EPHA7: variants seen among roughly 807,000 people sequenced by gnomAD.
EPHA7 encodes EPH receptor A7.
Under a neutral mutation model 112.6 loss-of-function variants are expected in EPHA7, and 25 were observed. That is an observed-to-expected ratio of 0.22 (90% confidence interval 0.16 to 0.31). The LOEUF (loss-of-function observed/expected upper bound fraction) is 0.31, where lower values mean the gene tolerates loss of function less well. Ranked by LOEUF, EPHA7 falls within the 10% of genes least tolerant of loss-of-function variation. The pLI is 1.00. For missense variants in EPHA7, 962 were observed against 1,212.6 expected (o/e 0.79, Z 3.07); for synonymous variants, 437 against 406.5 (o/e 1.07, Z -0.90).
chr6:93,332,972 T>C (rs1242241476), intron 5 of EPHA7, among the ~76,000 whole-genome samples: 1 of 151,756 alleles, frequency 6.6e-6, no homozygotes, highest in East Asian at 1.9e-4. Flanking sequence ...GTACAGATTA[T>C]TTCATTACCC....
chr6:93,325,692 G>A (rs1300124900), intron 5 of EPHA7, among the ~76,000 whole-genome samples: 1 of 151,084 alleles, frequency 6.6e-6, no homozygotes, highest in African/African-American at 2.4e-5. Flanking sequence ...ATTTAACCAA[G>A]GTTAACTGCA....
At chr6:93,263,113 A>G (rs1349303368) in intron 9 of EPHA7, among the ~76,000 whole-genome samples, 3 of 151,332 alleles carry the variant, frequency 2.0e-5, no homozygotes, top group African/African-American at 7.3e-5. Flanking sequence ...AAAATAGGTA[A>G]AGGTAAGAAC....
chr6:93,254,912 A>G (rs1183732058), intron 13 of EPHA7, 116 bp from the exon 14 acceptor site: 8 of 719,784 alleles, frequency 1.1e-5, no homozygotes, highest in Non-Finnish European at 1.7e-5. Context: ...CATCAGGTCT[A>G]CCCATCTTGA....
intron 3 of EPHA7, among the ~76,000 whole-genome samples, chr6:93,387,284 G>A (rs934861801): frequency 6.6e-6 from 1 of 152,054 alleles, no homozygotes; most frequent in East Asian, 1.9e-4. Context: ...CTTTGCTACA[G>A]CATAGCAAAA....
chr6:93,407,229 T>C (rs531955757), intron 3 of EPHA7, among the ~76,000 whole-genome samples: 2 of 152,192 alleles, frequency 1.3e-5, no homozygotes, highest in South Asian at 2.1e-4. Flanking sequence ...CTTCAAAATG[T>C]GCCCAGATAA....
intron 3 of EPHA7, among the ~76,000 whole-genome samples, chr6:93,400,994 G>C (rs1290273376): frequency 2.0e-5 from 3 of 152,058 alleles, no homozygotes; most frequent in African/African-American, 7.2e-5. Context: ...CTCTTCTCCA[G>C]ATCTAGGTTT....
At chr6:93,352,525 A>T (rs1775744289) in intron 5 of EPHA7, among the ~76,000 whole-genome samples, 1 of 152,062 alleles carries the variant, frequency 6.6e-6, no homozygotes, top group African/African-American at 2.4e-5. Flanking sequence ...CTCTGAATGA[A>T]TCATTCTTCA....
At chr6:93,263,985 C>T in intron 8 of EPHA7, 70 bp from the exon 9 acceptor site, 1 of 1,160,258 alleles carries the variant, frequency 8.6e-7, no homozygotes, top group Non-Finnish European at 1.2e-6. Context: ...GTACAATGTA[C>T]CTTAGTTACT....
chr6:93,262,945 G>A (rs1770757270), intron 9 of EPHA7, among the ~76,000 whole-genome samples: 1 of 151,170 alleles, frequency 6.6e-6, no homozygotes, highest in African/African-American at 2.4e-5. Context: ...CACAGATATT[G>A]ACATAAGAAT....
intron 5 of EPHA7, among the ~76,000 whole-genome samples, chr6:93,339,816 G>C (rs1231782213): frequency 6.6e-6 from 1 of 151,652 alleles, no homozygotes; most frequent in Non-Finnish European, 1.5e-5. Flanking sequence ...ATATACAAAA[G>C]TAAAATAACT....
At chr6:93,391,964 C>T (rs1014474274) in intron 3 of EPHA7, among the ~76,000 whole-genome samples, 1 of 151,712 alleles carries the variant, frequency 6.6e-6, no homozygotes, top group Non-Finnish European at 1.5e-5. Context: ...GCATATCAGA[C>T]AGCGTTAGAC....
chr6:93,279,031 A>C (rs1014718246), intron 5 of EPHA7, among the ~76,000 whole-genome samples: 8 of 152,114 alleles, frequency 5.3e-5, no homozygotes, highest in African/African-American at 1.9e-4. Flanking sequence ...AGCTGCAGAT[A>C]CTAGAAGAGA....
Position 93,259,453 on chromosome 6 carries a change from T to C in EPHA7, c.1825A>G (p.Ile609Val). Reference sequence around the variant, plus strand: ...GGGTCCTCATAGGTTTCAGGGTCAATGTAGGTTTTGGTGCCTGGAAATTTA... The same window carrying C: ...GGGTCCTCATAGGTTTCAGGGTCAACGTAGGTTTTGGTGCCTGGAAATTTA... ...HFKFPGTKTY[I>V]DPETYEDPNR... The change falls in exon 10 of 17, where the codon ATT becomes GTT. Residue 609 changes from isoleucine (I) to valine (V), a missense_variant. Physicochemically the swap from Ile to Val is conservative, Grantham distance 29. Transcript: ENST00000369303. The C allele has an allele frequency of 6.2e-7, 1 of 1,611,774 alleles. No homozygotes were observed. The highest frequency in any genetic ancestry group is 1.3e-5 in the African/African-American group (1 of 74,900).
At chr6:93,335,663 T>A (rs1004769573) in intron 5 of EPHA7, among the ~76,000 whole-genome samples, 3 of 152,090 alleles carry the variant, frequency 2.0e-5, no homozygotes, top group Non-Finnish European at 4.4e-5. Context: ...CATTTTTTTT[T>A]TAAATTTTTA....
At chr6:93,397,486 A>C (rs959379743) in intron 3 of EPHA7, among the ~76,000 whole-genome samples, 8 of 151,924 alleles carry the variant, frequency 5.3e-5, no homozygotes, top group Non-Finnish European at 1.2e-4. Flanking sequence ...TAATTATATG[A>C]ATTCTGAAGA....
intron 7 of EPHA7, among the ~76,000 whole-genome samples, chr6:93,267,051 T>C (rs1256137011): frequency 1.3e-5 from 2 of 151,798 alleles, no homozygotes; most frequent in Non-Finnish European, 2.9e-5. Flanking sequence ...TTTCAGAAGG[T>C]ATATGACATG....
At chr6:93,270,682 A>G (rs1771173042) in intron 6 of EPHA7, among the ~76,000 whole-genome samples, 1 of 151,670 alleles carries the variant, frequency 6.6e-6, no homozygotes, top group African/African-American at 2.4e-5. Context: ...TGAGATTTGC[A>G]AAAGTGTAAA....
chr6:93,290,496 A>G lies in EPHA7; in HGVS notation c.1325-18074T>C, dbSNP rs567979738. 7.9e-4 allele frequency among the ~76,000 whole-genome samples: 120 copies of G among 152,284 alleles called. 1 individual carries two copies. Among genetic ancestry groups the G allele is most frequent in the African/African-American group, 2.8e-3 (117 of 41,584 alleles). ...TTGGAAATTTCTTCAACTCTTAGCA[A>G]TTTGCCAGGTCTAATTCAGAGAGAC... On this transcript the variant is annotated intron_variant, in intron 5 of 16. Coordinates refer to ENST00000369303, the MANE Select transcript of EPHA7 (RefSeq NM_004440.4).
At position 93,410,490 on chromosome 6, in the gene EPHA7, A is replaced by G. The variant is rs752073769; in HGVS notation, c.832+11T>C. 3 of 1,601,518 alleles carry G rather than the reference A, an allele frequency of 1.9e-6. No homozygotes were observed. The South Asian group carries it at 3.3e-5, about 18-fold the overall frequency. On this transcript the variant is annotated intron_variant, in intron 3 of 16. Transcript: ENST00000369303. This position sits in a 1 kb window ranked among gnomAD's most constrained non-coding sequence, Gnocchi z 4.0. ...AGGCAAAGTGGAGTTTTAATAGGAC[A>G]CATTACTTACGTTCACAAGTGTCTC...
Sources: allele counts gnomAD v4.1 joint callset (sites outside exome capture counted in the v4.1 genomes callset), GRCh38; gene constraint gnomAD v4.1.1; non-coding constraint Gnocchi (gnomAD v3.1); transcripts MANE v1.5; gene names NCBI Gene and HGNC (gene_info 2026-07-23, HGNC 2026-07-21).